The following PALMD variants were observed in gnomAD, a reference collection of about 807,000 sequenced individuals.
PALMD encodes paralemmin-like protein.
Under a neutral mutation model 56.2 loss-of-function variants are expected in PALMD, and 42 were observed. The observed-to-expected ratio is 0.75, with a 90% CI of 0.58 to 0.97. The LOEUF (loss-of-function observed/expected upper bound fraction) is 0.97. Among genes scored for constraint, PALMD ranks in the 50% least tolerant of loss-of-function variants. The pLI, the probability that PALMD is intolerant of heterozygous loss-of-function variation, is 0.00. For synonymous variants in PALMD, 242 were observed against 222.9 expected, an observed-to-expected ratio of 1.09 and a Z score of -0.76; for missense variants, 660 against 643.8, an observed-to-expected ratio of 1.03 and a Z score of -0.27.
intron 3 of PALMD, among the ~76,000 whole-genome samples, chr1:99,677,891 C>T (rs76973804): frequency 0.014 from 2,123 of 152,274 alleles, 56 homozygotes; most frequent in African/African-American, 0.049. Context: ...CATATTATTA[C>T]AACTCTTCCA....
chr1:99,667,568 G>C (rs1652994135), intron 2 of PALMD, 74 bp from the exon 3 acceptor site: 1 of 1,231,566 alleles, frequency 8.1e-7, no homozygotes, highest in African/African-American at 1.5e-5. Context: ...AAATTCATAA[G>C]ATTTGAAAGC....
rs567004906 is a variant in PALMD at position 99,686,857 on chromosome 1, T to A, written c.366+67T>A. 5.1e-5 allele frequency: 70 copies of A among 1,373,066 alleles called. No homozygotes were observed. The Admixed American group carries it at 1.3e-3, about 26-fold the overall frequency. The allele number at this position is 1,373,066 out of a possible 1,614,324, so 85.1% of individuals were successfully genotyped here. A position where few individuals can be genotyped will look rare whatever the true frequency, so the allele number is the denominator to read the frequency against. ...ATGAATCCACAAATACTATATAATT[T>A]TTCAAAGCATATCCACATTTAGATT... On this transcript the variant is annotated intron_variant, in intron 4 of 7. Transcript: ENST00000263174.
At chr1:99,689,946 C>A in intron 7 of PALMD, 74 bp downstream of exon 7, 2 of 1,411,900 alleles carry the variant, frequency 1.4e-6, no homozygotes, top group East Asian at 2.3e-5. Context: ...TGCAGTCTTG[C>A]TTTCAGGCTT....
At position 99,662,532 on chromosome 1, in the gene PALMD, T is replaced by C. The variant is rs12096005; in HGVS notation, c.126+133T>C. On this transcript the variant is annotated intron_variant, in intron 2 of 7. Coordinates refer to ENST00000263174, the MANE Select transcript of PALMD (RefSeq NM_017734.5). ...AGTTTGACTAACATTGTAATAACCA[T>C]AGGGGAGGCCAACAAGCTAGTAACA... is the stretch of plus-strand genomic sequence containing the variant. The C allele has an allele frequency of 3.4e-3, 2,216 of 650,856 alleles. 41 individuals carry two copies. The African/African-American group carries it at 0.037, about 11-fold the overall frequency. The allele number at this position is 650,856 out of a possible 1,614,324, so 40.3% of individuals were successfully genotyped here. A position where few individuals can be genotyped will look rare whatever the true frequency, so the allele number is the denominator to read the frequency against.
At chr1:99,648,825 A>G (rs1652500517) in intron 1 of PALMD, among the ~76,000 whole-genome samples, 1 of 152,000 alleles carries the variant, frequency 6.6e-6, no homozygotes, top group Admixed American at 6.6e-5. Context: ...AACTGAAAAA[A>G]TAAACGTATA....
At chr1:99,677,744 T>C (rs1653246371) in intron 3 of PALMD, among the ~76,000 whole-genome samples, 1 of 152,124 alleles carries the variant, frequency 6.6e-6, no homozygotes, top group Non-Finnish European at 1.5e-5. Flanking sequence ...CGTATAAAAC[T>C]CAGGGCATTC....
chr1:99,671,946 G>C (rs1401759963), intron 3 of PALMD, among the ~76,000 whole-genome samples: 1 of 152,170 alleles, frequency 6.6e-6, no homozygotes, highest in East Asian at 1.9e-4. Context: ...CTCAGAGCCT[G>C]TAGAAATTTT....
chr1:99,671,875 AC>A (rs1378368064), intron 3 of PALMD, among the ~76,000 whole-genome samples: 1 of 152,184 alleles, frequency 6.6e-6, no homozygotes, highest in African/African-American at 2.4e-5. Context: ...ATACAGCAAA[AC>A]GTAAAGAGCC....
At chr1:99,649,119 C>T (rs964189332) in intron 1 of PALMD, among the ~76,000 whole-genome samples, 1 of 152,110 alleles carries the variant, frequency 6.6e-6, no homozygotes, top group Non-Finnish European at 1.5e-5. Flanking sequence ...TTTGGGTATA[C>T]CAAATATAGA....
rs1652820888 is a variant in PALMD, at chr1:99,660,390, C to T, written c.46-1929C>T. Among the ~76,000 whole-genome samples the T allele has an allele frequency of 2.0e-5, 3 of 152,158 alleles. No individual in the cohort carries two copies. In the South Asian group the frequency reaches 6.2e-4, roughly 32 times the overall value. Reference sequence around the variant, plus strand: ...GTTAATTTCCCCTAAATTTCCATTTCCTTTTTTCAAATGGAAATTAGCATA... The same window carrying T: ...GTTAATTTCCCCTAAATTTCCATTTTCTTTTTTCAAATGGAAATTAGCATA... On this transcript the variant is annotated intron_variant, in intron 1 of 7. Transcript: ENST00000263174.
At chr1:99,683,502 A>C (rs1044355361) in intron 3 of PALMD, 1 of 152,114 alleles carries the variant, frequency 6.6e-6, no homozygotes, top group African/African-American at 2.4e-5. Flanking sequence ...TCACCTTGAC[A>C]TCTCCCTTTC....
intron 2 of PALMD, among the ~76,000 whole-genome samples, chr1:99,662,907 T>C (rs1392957448): frequency 6.6e-6 from 1 of 152,216 alleles, no homozygotes; most frequent in African/African-American, 2.4e-5. Flanking sequence ...CATGAGATCA[T>C]AACCAGAAAT....
intron 3 of PALMD, among the ~76,000 whole-genome samples, chr1:99,680,851 C>A (rs1557673007): frequency 6.7e-6 from 1 of 150,334 alleles, no homozygotes; most frequent in Non-Finnish European, 1.5e-5. Context: ...TATATATATG[C>A]ATATATATAT....
chr1:99,694,383 A>G lies in PALMD; in HGVS notation c.*321A>G. On this transcript the variant is annotated 3_prime_UTR_variant, in exon 8 of 8. Coordinates refer to ENST00000263174, the MANE Select transcript of PALMD (RefSeq NM_017734.5). Reference sequence around the variant, plus strand: ...TAAAGTTATTTAAAATATTCTGAGTATAGTATATTAACTGGCATTGTAATT... The same window carrying G: ...TAAAGTTATTTAAAATATTCTGAGTGTAGTATATTAACTGGCATTGTAATT... The G allele has an allele frequency of 5.0e-6, 1 of 198,970 alleles. No individual in the cohort carries two copies. The highest frequency in any genetic ancestry group is 1.0e-5 in the Non-Finnish European group (1 of 98,218). 12.3% of individuals were successfully genotyped at this position (198,970 alleles called of 1,614,324 possible).
chr1:99,692,961 T>C (rs138596920), intron 7 of PALMD, among the ~76,000 whole-genome samples: 11 of 152,334 alleles, frequency 7.2e-5, no homozygotes, highest in Middle Eastern at 3.4e-3. Flanking sequence ...AATAATGCTC[T>C]TTAGCTTCAT....
At chr1:99,677,694 A>T (rs918373479) in intron 3 of PALMD, among the ~76,000 whole-genome samples, 2 of 152,170 alleles carry the variant, frequency 1.3e-5, no homozygotes, top group African/African-American at 2.4e-5. Context: ...AATGCCAAGG[A>T]CACTGGGAAA....
At chr1:99,649,982 A>G (rs531353654) in intron 1 of PALMD, among the ~76,000 whole-genome samples, 3 of 152,258 alleles carry the variant, frequency 2.0e-5, no homozygotes, top group Middle Eastern at 3.4e-3. Context: ...GGCACCTACT[A>G]TGCACCAAGC....
intron 1 of PALMD, among the ~76,000 whole-genome samples, chr1:99,658,855 A>G (rs1571061555): frequency 1.3e-5 from 2 of 152,020 alleles, no homozygotes; most frequent in South Asian, 4.2e-4. Flanking sequence ...CTGAGGCAGG[A>G]GGATGATTTG....
At position 99,667,650 on chromosome 1, in the gene PALMD, C is replaced by T. The variant is rs1472155445; in HGVS notation, c.135C>T (p.Ala45=). Residue 45 remains alanine (A), a synonymous_variant, in exon 3 of 8, where the codon GCC becomes GCT. Transcript: ENST00000263174. The stretch of plus-strand genomic sequence containing the variant: ...ATGTTTCCTGACATCAGAAAAAGGC[C>T]TTGAGGGAGAAATGGCTTCTAGATG... ...KLKHQHLKKK[A]LREKWLLDGI... 4 of 1,612,972 alleles carry T rather than the reference C, an allele frequency of 2.5e-6. No individual in the cohort carries two copies. The East Asian group carries it at 8.9e-5, about 36-fold the overall frequency.
Sources: gnomAD v4.1 joint callset for allele counts (sites outside exome capture counted in the v4.1 genomes callset) on GRCh38, gnomAD v4.1.1 for gene constraint, MANE v1.5 for transcripts, NCBI Gene and HGNC (gene_info 2026-07-23, HGNC 2026-07-21) for gene names.